DSG2: variants seen among roughly 807,000 people sequenced by gnomAD.
DSG2 encodes desmoglein-2.
A neutral mutation model predicts 75.6 loss-of-function variants in DSG2; 45 were observed. The observed-to-expected ratio is 0.60, with a 90% CI of 0.47 to 0.76. The LOEUF is 0.76. Among genes scored for constraint, DSG2 ranks in the 30% least tolerant of loss-of-function variants. The probability of loss-of-function intolerance (pLI) is 0.00; values close to 1 mark genes in which losing one functional copy is unlikely to be tolerated. For synonymous variants in DSG2, 429 were observed against 483.9 expected, an observed-to-expected ratio of 0.89 and a Z score of 1.49; for missense variants, 1,267 against 1,357.4, an observed-to-expected ratio of 0.93 and a Z score of 1.05.
At chr18:31,537,418 G>A (rs12607843) in intron 11 of DSG2, among the ~76,000 whole-genome samples, 33,538 of 152,022 alleles carry the variant, frequency 0.22, 4,405 homozygotes, top group East Asian at 0.46. Flanking sequence ...AGGAGATCGA[G>A]ACCATCCTGG....
chr18:31,520,255 T>C (rs2073120211), intron 3 of DSG2, among the ~76,000 whole-genome samples: 1 of 152,152 alleles, frequency 6.6e-6, no homozygotes, highest in South Asian at 2.1e-4. Flanking sequence ...TGTCATAAAA[T>C]GTCATTTTCA....
chr18:31,520,765 G>C, intron 3 of DSG2, 38 bp from the exon 4 acceptor site: 1 of 1,604,920 alleles, frequency 6.2e-7, no homozygotes, highest in Non-Finnish European at 8.5e-7. Flanking sequence ...AAATTACAGA[G>C]AGTTCAACCT....
intron 2 of DSG2, among the ~76,000 whole-genome samples, chr18:31,518,725 T>TA (rs11391914): frequency 0.23 from 34,835 of 148,560 alleles, 4,355 homozygotes; most frequent in East Asian, 0.3. Flanking sequence ...TTTGTTCAAG[T>TA]AAAAAAAAAA....
At chr18:31,526,015 A>G (rs1230617448) in intron 8 of DSG2, among the ~76,000 whole-genome samples, 1 of 152,080 alleles carries the variant, frequency 6.6e-6, no homozygotes, top group Non-Finnish European at 1.5e-5. Context: ...GTGGTGGTGC[A>G]TGCCTGTAAT....
intron 3 of DSG2, 69 bp downstream of exon 3, chr18:31,520,006 C>G (rs1387422915): frequency 1.9e-6 from 3 of 1,587,998 alleles, no homozygotes; most frequent in African/African-American, 2.7e-5. Flanking sequence ...ACTTTTATGT[C>G]TACTTTAAGA....
chr18:31,520,677 G>T, intron 3 of DSG2, 126 bp from the exon 4 acceptor site: 1 of 1,032,890 alleles, frequency 9.7e-7, no homozygotes, highest in East Asian at 2.6e-5. Flanking sequence ...AACTTCAGAA[G>T]GAAATTGTCC....
chr18:31,509,010 AC>A (rs1471316647), intron 1 of DSG2, among the ~76,000 whole-genome samples: 9 of 152,232 alleles, frequency 5.9e-5, no homozygotes, highest in African/African-American at 1.7e-4. Context: ...AAGCTTGAAA[AC>A]CACTGTTAAC....
chr18:31,546,066 T>C lies in DSG2; in HGVS notation c.2680T>C (p.Leu894=), dbSNP rs1041164971. The C allele has an allele frequency of 6.2e-7, 1 of 1,614,184 alleles. No individual in the cohort carries two copies. The highest frequency in any genetic ancestry group is 8.5e-7 in the Non-Finnish European group (1 of 1,180,048). Residue 894 remains leucine, a synonymous_variant, in exon 15 of 15, where the codon TTG becomes CTG. Coordinates refer to ENST00000261590, the MANE Select transcript of DSG2 (RefSeq NM_001943.5). Reference sequence around the variant, plus strand: ...CAGTAGCTTCCCAGTTCCAAAATCTTTGCAAGAAGCCAATGCAGAGAAAGT... The same window carrying C: ...CAGTAGCTTCCCAGTTCCAAAATCTCTGCAAGAAGCCAATGCAGAGAAAGT... ...SGSSFPVPKS[L]QEANAEKVTQ...
At chr18:31,512,545 T>C (rs955085717) in intron 1 of DSG2, among the ~76,000 whole-genome samples, 3 of 152,236 alleles carry the variant, frequency 2.0e-5, no homozygotes, top group African/African-American at 7.2e-5. Flanking sequence ...AAACATAAAC[T>C]GGTTGTATCA....
chr18:31,510,235 G>T (rs1276436780), intron 1 of DSG2, among the ~76,000 whole-genome samples: 1 of 152,180 alleles, frequency 6.6e-6, no homozygotes, highest in African/African-American at 2.4e-5. Flanking sequence ...TCGCTGAATG[G>T]ACATTAGAAG....
At chr18:31,539,720 C>T (rs1203048885) in intron 12 of DSG2, among the ~76,000 whole-genome samples, 2 of 152,222 alleles carry the variant, frequency 1.3e-5, no homozygotes, top group African/African-American at 4.8e-5. Context: ...GTCTGTTAGA[C>T]AAGGGGTCCC....
intron 8 of DSG2, among the ~76,000 whole-genome samples, chr18:31,527,474 A>G (rs1428278210): frequency 2.0e-5 from 3 of 152,260 alleles, no homozygotes; most frequent in Non-Finnish European, 4.4e-5. Context: ...TAAAAAAACA[A>G]TAAAATGAGT....
intron 2 of DSG2, 89 bp downstream of exon 2, chr18:31,518,363 G>T: frequency 9.0e-7 from 1 of 1,110,468 alleles, no homozygotes; most frequent in Non-Finnish European, 1.4e-6. Flanking sequence ...CTAGATTGAA[G>T]ACACATGTTG....
In DSG2 at chr18:31,523,128, G is replaced by A. The variant is rs192575159; in HGVS notation, c.690+879G>A. Among the ~76,000 whole-genome samples the A allele has an allele frequency of 1.3e-3, 199 of 152,280 alleles. 2 individuals are homozygous for A. Among genetic ancestry groups the A allele is most frequent in the African/African-American group, 4.4e-3 (183 of 41,560 alleles). On this transcript the variant is annotated intron_variant, in intron 6 of 14. Transcript: ENST00000261590. ...TTCTTAGAGAAATGATTGGCCGGGC[G>A]TGGTGGCTCATGCCTGTAATGCCAG...
At chr18:31,511,946 C>G (rs1033795927) in intron 1 of DSG2, among the ~76,000 whole-genome samples, 1 of 152,090 alleles carries the variant, frequency 6.6e-6, no homozygotes, top group Non-Finnish European at 1.5e-5. Flanking sequence ...ACGCTGGCTC[C>G]CTAGATGCTC....
intron 1 of DSG2, among the ~76,000 whole-genome samples, chr18:31,515,963 T>A: frequency 6.6e-6 from 1 of 152,268 alleles, no homozygotes; most frequent in African/African-American, 2.4e-5. Flanking sequence ...ACCATGCAGA[T>A]GGGAAAAGGC....
chr18:31,534,620 C>T (rs1156876182), intron 9 of DSG2, among the ~76,000 whole-genome samples: 2 of 149,598 alleles, frequency 1.3e-5, no homozygotes, highest in East Asian at 4.0e-4. Flanking sequence ...AAGCAGTTCT[C>T]CTGCCACAGC....
chr18:31,505,250 T>A (rs1024824362), intron 1 of DSG2, among the ~76,000 whole-genome samples: 22 of 152,236 alleles, frequency 1.4e-4, no homozygotes, highest in Admixed American at 1.4e-3. Flanking sequence ...GAGTCCCTCA[T>A]CTGTGCGTTT....
intron 1 of DSG2, among the ~76,000 whole-genome samples, chr18:31,504,421 C>T (rs946579300): frequency 5.9e-5 from 9 of 152,218 alleles, no homozygotes; most frequent in Non-Finnish European, 1.3e-4. Context: ...TCATCATCTT[C>T]TTTTAAAACC....
Sources: gnomAD v4.1 joint callset for allele counts (sites outside exome capture counted in the v4.1 genomes callset) on GRCh38, gnomAD v4.1.1 for gene constraint, MANE v1.5 for transcripts, NCBI Gene and HGNC (gene_info 2026-07-23, HGNC 2026-07-21) for gene names.